SCRN1: variants seen among roughly 807,000 people sequenced by gnomAD.
The protein encoded by SCRN1 is secernin 1.
A neutral mutation model predicts 43.3 loss-of-function variants in SCRN1; 19 were observed. The observed-to-expected ratio is 0.44, with a 90% CI of 0.31 to 0.64. SCRN1 has a LOEUF of 0.64. Ranked by LOEUF, SCRN1 falls within the 30% of genes least tolerant of loss-of-function variation. SCRN1 has a pLI of 0.09. For missense variants in SCRN1, 447 were observed against 524.1 expected, an observed-to-expected ratio of 0.85 and a Z score of 1.44; for synonymous variants, 183 against 188.9, an observed-to-expected ratio of 0.97 and a Z score of 0.26.
At chr7:29,980,301 A>T (rs1242939771) in intron 1 of SCRN1, among the ~76,000 whole-genome samples, 1 of 152,210 alleles carries the variant, frequency 6.6e-6, no homozygotes, top group Non-Finnish European at 1.5e-5. Context: ...CTCTGTGGGA[A>T]ATAGGGAGGT....
At chr7:29,974,197 A>C (rs1280424697) in intron 1 of SCRN1, among the ~76,000 whole-genome samples, 1 of 152,194 alleles carries the variant, frequency 6.6e-6, no homozygotes, top group Non-Finnish European at 1.5e-5. Flanking sequence ...AACCCAGGAG[A>C]GAATAGCAAT....
intron 3 of SCRN1, among the ~76,000 whole-genome samples, chr7:29,945,744 C>T (rs1434346601): frequency 6.6e-6 from 1 of 152,172 alleles, no homozygotes; most frequent in Non-Finnish European, 1.5e-5. Flanking sequence ...TTTTTCTCAT[C>T]TGCAGATTGA....
In SCRN1 at chr7:29,923,419, C is replaced by T. The variant is rs1381899524; in HGVS notation, c.*538G>A. On this transcript the variant is annotated 3_prime_UTR_variant, in exon 8 of 8. Transcript: ENST00000242059. ...TCTTCCTTCCAATTGGTTCTGCCCC[C>T]CAGAAGACACCTGTAGAGACACTGT... The T allele has an allele frequency of 6.6e-6, 1 of 152,410 alleles. No individual in the cohort carries two copies. Among genetic ancestry groups the T allele is most frequent in the Non-Finnish European group, 1.5e-5 (1 of 68,260 alleles). 9.4% of individuals were successfully genotyped at this position (152,410 alleles called of 1,614,324 possible).
chr7:29,959,500 G>A (rs184740778), intron 2 of SCRN1, among the ~76,000 whole-genome samples: 92 of 152,194 alleles, frequency 6.0e-4, no homozygotes, highest in Non-Finnish European at 1.1e-3. Flanking sequence ...CAATACCTGG[G>A]CTCAAGCGAT....
In SCRN1 at chr7:29,921,226, G is replaced by A. The variant is rs552920793; in HGVS notation, c.*2731C>T. 1 of 152,772 alleles carries A rather than the reference G, an allele frequency of 6.5e-6. No homozygotes were observed. The highest frequency in any genetic ancestry group is 1.9e-4 in the East Asian group (1 of 5,184). The allele number at this position is 152,772 out of a possible 1,614,324, so 9.5% of individuals were successfully genotyped here. On this transcript the variant is annotated 3_prime_UTR_variant, in exon 8 of 8. Coordinates refer to ENST00000242059, the MANE Select transcript of SCRN1 (RefSeq NM_014766.5). Reference sequence around the variant, plus strand: ...AGATACACAAAGGGTTTCCTAGGAAGCTACTTATACACTATGACCCTTAAA... The same window carrying A: ...AGATACACAAAGGGTTTCCTAGGAAACTACTTATACACTATGACCCTTAAA...
At chr7:29,979,334 G>A (rs903555578) in intron 1 of SCRN1, among the ~76,000 whole-genome samples, 6 of 152,144 alleles carry the variant, frequency 3.9e-5, no homozygotes, top group Non-Finnish European at 7.3e-5. Flanking sequence ...CTGCACTCCA[G>A]CCTAGATGAC....
chr7:29,970,322 G>C (rs1003361769), intron 1 of SCRN1, among the ~76,000 whole-genome samples: 10 of 152,036 alleles, frequency 6.6e-5, no homozygotes, highest in African/African-American at 2.4e-5. Context: ...TCCAGTGCCT[G>C]CCAGACCTCT....
At chr7:29,990,170 T>A, upstream of SCRN1, 5 of 1,551,400 alleles carry the variant, frequency 3.2e-6, no homozygotes, top group South Asian at 4.8e-5. Flanking sequence ...CGGAGAGAAA[T>A]GTGTCCTGTA....
chr7:29,956,356 C>T (rs989814231), intron 2 of SCRN1, among the ~76,000 whole-genome samples: 1 of 152,180 alleles, frequency 6.6e-6, no homozygotes, highest in African/African-American at 2.4e-5. Flanking sequence ...TGACATTCTA[C>T]GAGCCTATGA....
At position 29,926,578 on chromosome 7, in the gene SCRN1, T is replaced by A; in HGVS notation, c.960A>T (p.Thr320=). The part of the protein sequence containing the change: ...FVDDVKLVPK[T]QSPCFGDDDP... ...CGTCATCCCCAAAACAGGGAGACTG[T>A]GTTTTGGGGACAAGTTTTACGTCAT... Residue 320 remains threonine (T), a synonymous_variant, in exon 7 of 8, where the codon ACA becomes ACT. Transcript: ENST00000242059. The A allele has an allele frequency of 6.2e-7, 1 of 1,614,122 alleles. No individual in the cohort carries two copies. Among genetic ancestry groups the A allele is most frequent in the Non-Finnish European group, 8.5e-7 (1 of 1,180,018 alleles).
Position 29,974,318 on chromosome 7 carries a change from T to A in SCRN1, c.-1-5250A>T, listed in dbSNP as rs565289893. ...TGAGTTATAGCTAGGATGAATTTTT[T>A]TATTTGGCATTGTTCTCTGATACTT... On this transcript the variant is annotated intron_variant, in intron 1 of 7. Coordinates refer to ENST00000242059, the MANE Select transcript of SCRN1 (RefSeq NM_014766.5). Among the ~76,000 whole-genome samples the A allele has an allele frequency of 2.0e-5, 3 of 152,338 alleles. No homozygotes were observed. In the South Asian group the frequency reaches 6.2e-4, roughly 32 times the overall value.
chr7:29,941,331 C>T (rs1257187876), intron 4 of SCRN1, among the ~76,000 whole-genome samples: 2 of 152,206 alleles, frequency 1.3e-5, no homozygotes, highest in Admixed American at 1.3e-4. Flanking sequence ...AGCCCCCTCC[C>T]TGGTCTGATT....
At chr7:29,979,520 A>T (rs1445882523) in intron 1 of SCRN1, among the ~76,000 whole-genome samples, 1 of 152,208 alleles carries the variant, frequency 6.6e-6, no homozygotes, top group Non-Finnish European at 1.5e-5. Context: ...TAGTTGAAAA[A>T]TAATAGTGTA....
At chr7:29,990,183 T>C, upstream of SCRN1, 1 of 1,551,694 alleles carries the variant, frequency 6.4e-7, no homozygotes, top group East Asian at 2.4e-5. Flanking sequence ...GTCCTGTACC[T>C]TGTTGACTCG....
At chr7:29,936,821 C>G in intron 5 of SCRN1, 100 bp from the exon 6 acceptor site, 2 of 932,718 alleles carry the variant, frequency 2.1e-6, no homozygotes, top group Non-Finnish European at 3.0e-6. Flanking sequence ...CCGAGGCGGG[C>G]GGATCACGAG....
rs1288781356 is a variant in SCRN1, at chr7:29,920,362, A to G, written c.*3595T>C. On this transcript the variant is annotated 3_prime_UTR_variant, in exon 8 of 8. Coordinates refer to ENST00000242059, the MANE Select transcript of SCRN1 (RefSeq NM_014766.5). ...AAACATGTACATATTGGTTCCCACG[A>G]GAAATCTGCAGGTGACATTTCGGGA... The G allele has an allele frequency of 6.6e-6, 1 of 152,220 alleles. No individual in the cohort carries two copies. The highest frequency in any genetic ancestry group is 1.9e-4 in the East Asian group (1 of 5,198). 9.4% of individuals were successfully genotyped at this position (152,220 alleles called of 1,614,324 possible). A position where few individuals can be genotyped will look rare whatever the true frequency, so the allele number is the denominator to read the frequency against.
chr7:29,971,806 T>C (rs1377194838), intron 1 of SCRN1, among the ~76,000 whole-genome samples: 1 of 152,210 alleles, frequency 6.6e-6, no homozygotes, highest in Non-Finnish European at 1.5e-5. Flanking sequence ...TGTATGGGAC[T>C]GTATTGCTAT....
intron 7 of SCRN1, 118 bp from the exon 8 acceptor site, chr7:29,924,233 C>T: frequency 1.1e-6 from 1 of 927,872 alleles, no homozygotes; most frequent in Non-Finnish European, 1.6e-6. Flanking sequence ...CCTCCCCACA[C>T]TCCGTTTCAC....
chr7:29,944,662 C>CAAA lies in SCRN1; in HGVS notation c.342-486_342-484dup, dbSNP rs397729276. On this transcript the variant is annotated intron_variant, in intron 3 of 7. Transcript: ENST00000242059. The stretch of plus-strand genomic sequence containing the variant: ...TGGGCATCAGAGTGAGACCCTGTCT[C>CAAA]AAAAAAAAAAAAAAAAAAGAAAGAA... Among the ~76,000 whole-genome samples the CAAA allele has an allele frequency of 6.9e-4, 54 of 77,756 alleles. 2 individuals are homozygous for CAAA. Among genetic ancestry groups the CAAA allele is most frequent in the African/African-American group, 1.9e-3 (38 of 20,290 alleles). 51.0% of individuals were successfully genotyped at this position (77,756 alleles called of 152,430 possible). A position where few individuals can be genotyped will look rare whatever the true frequency, so the allele number is the denominator to read the frequency against.
Sources: gnomAD v4.1 joint callset for allele counts (sites outside exome capture counted in the v4.1 genomes callset) on GRCh38, gnomAD v4.1.1 for gene constraint, MANE v1.5 for transcripts, NCBI Gene and HGNC (gene_info 2026-07-23, HGNC 2026-07-21) for gene names.